Variants in STK33 observed in about 807,000 individuals in gnomAD.
STK33 encodes the protein serine/threonine-protein kinase 33.
A neutral mutation model predicts 58.0 loss-of-function variants in STK33; 52 were observed. The observed-to-expected ratio is 0.90, with a 90% CI of 0.72 to 1.13. The LOEUF (loss-of-function observed/expected upper bound fraction) is 1.13. Ranked by LOEUF, STK33 falls within the 50% of genes most tolerant of loss-of-function variation. The pLI is 0.00. For missense variants in STK33, 630 were observed against 604.2 expected (o/e 1.04, Z -0.45); for synonymous variants, 215 against 200.1 (o/e 1.07, Z -0.63).
At chr11:8,489,748 T>C (rs1950463728) in intron 1 of STK33, among the ~76,000 whole-genome samples, 1 of 152,238 alleles carries the variant, frequency 6.6e-6, no homozygotes, top group Admixed American at 6.5e-5. Context: ...ATTCAAACCT[T>C]AGTGATACAT....
intron 15 of STK33, among the ~76,000 whole-genome samples, chr11:8,395,261 T>C (rs1300065066): frequency 6.6e-6 from 1 of 152,102 alleles, no homozygotes; most frequent in Non-Finnish European, 1.5e-5. Flanking sequence ...CAGGGGCAGG[T>C]TTTTCCTGTG....
intron 7 of STK33, among the ~76,000 whole-genome samples, chr11:8,462,343 C>CAAAGAAA: frequency 6.7e-6 from 1 of 149,644 alleles, no homozygotes; most frequent in Admixed American, 6.7e-5. Flanking sequence ...AGAAAAAAAA[C>CAAAGAAA]AAAAAGTTTT....
At chr11:8,454,934 A>G in intron 9 of STK33, 102 bp from the exon 10 acceptor site, 1 of 1,206,532 alleles carries the variant, frequency 8.3e-7, no homozygotes. Flanking sequence ...TCCGCTGTTG[A>G]AAAATTTGAG....
intron 1 of STK33, among the ~76,000 whole-genome samples, chr11:8,501,552 T>G (rs1951517542): frequency 1.3e-5 from 2 of 151,734 alleles, no homozygotes; most frequent in African/African-American, 2.4e-5. Flanking sequence ...TGCTGGAGAG[T>G]GTATAAAGAG....
At chr11:8,542,230 T>C (rs1205664530) in intron 1 of STK33, among the ~76,000 whole-genome samples, 1 of 152,202 alleles carries the variant, frequency 6.6e-6, no homozygotes, top group Non-Finnish European at 1.5e-5. Flanking sequence ...TTTATTTCAA[T>C]ATTTCTACGA....
At chr11:8,404,700 A>T (rs546007853) in intron 15 of STK33, among the ~76,000 whole-genome samples, 2 of 152,268 alleles carry the variant, frequency 1.3e-5, no homozygotes, top group Non-Finnish European at 2.9e-5. Flanking sequence ...ATGTACCACA[A>T]TTTGTTTACT....
At chr11:8,524,361 C>T (rs1953843475) in intron 1 of STK33, among the ~76,000 whole-genome samples, 1 of 151,888 alleles carries the variant, frequency 6.6e-6, no homozygotes, top group Non-Finnish European at 1.5e-5. Context: ...AAAATATTTG[C>T]AGACCATATA....
chr11:8,412,177 T>A (rs1940369992), intron 15 of STK33, among the ~76,000 whole-genome samples: 2 of 152,204 alleles, frequency 1.3e-5, no homozygotes, highest in African/African-American at 4.8e-5. Context: ...TGTATGTGTG[T>A]GCATAAGTAT....
the STK33 span, among the ~76,000 whole-genome samples, chr11:8,365,475 C>T: frequency 5.3e-5 from 8 of 152,222 alleles, no homozygotes; most frequent in Admixed American, 3.9e-4. Context: ...GTAACAAATT[C>T]AGTGCAGCCA....
chr11:8,558,581 G>A (rs1187996129), intron 1 of STK33, among the ~76,000 whole-genome samples: 1 of 152,214 alleles, frequency 6.6e-6, no homozygotes, highest in Non-Finnish European at 1.5e-5. Context: ...GTGCCAGAAA[G>A]AAGGTTATCT....
chr11:8,572,474 C>A (rs977918122), intron 1 of STK33, among the ~76,000 whole-genome samples: 1 of 151,990 alleles, frequency 6.6e-6, no homozygotes, highest in African/African-American at 2.4e-5. Flanking sequence ...CGAAAATATG[C>A]CCCAGAAATG....
At chr11:8,387,384 C>T (rs769667816), downstream of STK33, among the ~76,000 whole-genome samples, 35 of 152,214 alleles carry the variant, frequency 2.3e-4, no homozygotes, top group Non-Finnish European at 4.9e-4. Flanking sequence ...AGTTTACGTT[C>T]TGCTACTTCT....
chr11:8,557,887 A>G (rs1286795489), intron 1 of STK33, among the ~76,000 whole-genome samples: 1 of 152,222 alleles, frequency 6.6e-6, no homozygotes, highest in Non-Finnish European at 1.5e-5. Flanking sequence ...GGCTTTCTTC[A>G]TATAATAATA....
At position 8,478,104 on chromosome 11, in the gene STK33, ATTTC is replaced by A. The variant is rs530546734; in HGVS notation, c.-260-825_-260-822del. On this transcript the variant is annotated intron_variant, in intron 2 of 15. Transcript: ENST00000687296. Reference sequence around the variant, plus strand: ...ATAGAACAAATGTTTACTCACATTTATTTCTTTCTCATTTACGAATTGATCTGAA... The same window carrying A: ...ATAGAACAAATGTTTACTCACATTTATTTCTCATTTACGAATTGATCTGAA... Among the ~76,000 whole-genome samples the A allele has an allele frequency of 2.1e-4, 32 of 152,314 alleles. No individual in the cohort carries two copies. In the South Asian group the frequency reaches 6.6e-3, roughly 32 times the overall value.
the STK33 span, among the ~76,000 whole-genome samples, chr11:8,355,838 G>A: frequency 1.5e-4 from 23 of 152,196 alleles, no homozygotes; most frequent in African/African-American, 4.8e-4. Flanking sequence ...GAAGCGCTTC[G>A]TAAATGGTAG....
chr11:8,385,677 C>T, the STK33 span, among the ~76,000 whole-genome samples: 1 of 152,218 alleles, frequency 6.6e-6, no homozygotes, highest in East Asian at 1.9e-4. Context: ...GTTTTGACTG[C>T]CTTTCACATT....
the STK33 span, among the ~76,000 whole-genome samples, chr11:8,351,492 C>A: frequency 6.6e-6 from 1 of 152,184 alleles, no homozygotes; most frequent in Non-Finnish European, 1.5e-5. Flanking sequence ...TGGTTCTGGC[C>A]GTCCCTGCAC....
chr11:8,454,715 C>G lies in STK33; in HGVS notation c.786+29G>C, dbSNP rs746284915. The stretch of plus-strand genomic sequence containing the variant: ...ACTTTGCTATCAAACTGTTTACAGG[C>G]AAATATTTACCACCATTGCTAATCT... On this transcript the variant is annotated intron_variant, in intron 10 of 15. Transcript: ENST00000687296. 6 of 1,550,732 alleles carry G rather than the reference C, an allele frequency of 3.9e-6. No homozygotes were observed. In the Admixed American group the frequency reaches 1.2e-4, roughly 30 times the overall value.
intron 7 of STK33, among the ~76,000 whole-genome samples, chr11:8,463,345 C>A (rs116555679): frequency 0.014 from 2,202 of 152,264 alleles, 53 homozygotes; most frequent in African/African-American, 0.05. Context: ...AGATCCCTCA[C>A]ATACACAGTT....
Sources: allele counts gnomAD v4.1 joint callset (sites outside exome capture counted in the v4.1 genomes callset), GRCh38; gene constraint gnomAD v4.1.1; transcripts MANE v1.5; gene names NCBI Gene and HGNC (gene_info 2026-07-23, HGNC 2026-07-21).